CD6: variants seen among roughly 807,000 people sequenced by gnomAD.
CD6 encodes CD6 molecule, also known as T-cell differentiation antigen CD6.
Under a neutral mutation model 75.3 loss-of-function variants are expected in CD6, and 53 were observed. The observed-to-expected ratio is 0.70, with a 90% CI of 0.56 to 0.88. CD6 has a LOEUF of 0.88. CD6 is among the 40% of genes least tolerant of loss of function. The probability of loss-of-function intolerance (pLI) is 0.00; values close to 1 mark genes in which losing one functional copy is unlikely to be tolerated. For synonymous variants in CD6, 359 were observed against 381.5 expected (o/e 0.94, Z 0.69); for missense variants, 770 against 897.1 (o/e 0.86, Z 1.81).
intron 3 of CD6, 190 bp from the exon 4 acceptor site, chr11:61,008,344 C>T: frequency 3.4e-6 from 2 of 595,016 alleles, no homozygotes; most frequent in Non-Finnish European, 2.9e-6. Context: ...GTCTCTGGTC[C>T]CTCCCACCAG....
chr11:61,019,208 G>T (rs1363798345), intron 12 of CD6, 46 bp from the exon 13 acceptor site: 1 of 1,473,402 alleles, frequency 6.8e-7, no homozygotes, highest in African/African-American at 1.4e-5. Context: ...TGGGGCAGCA[G>T]GGCAATGACT....
intron 1 of CD6, among the ~76,000 whole-genome samples, chr11:60,985,638 G>A (rs1271240141): frequency 1.3e-5 from 2 of 152,122 alleles, no homozygotes; most frequent in East Asian, 3.9e-4. Flanking sequence ...TGCCGTCCAA[G>A]CATGAGCTGT....
Position 61,019,340 on chromosome 11 carries a change from T to C in CD6, c.*22T>C, listed in dbSNP as rs752657636. ...CTAGGCCGGGGCCAGCCGAGGCTCC[T>C]GGGGTGGCTCTGACCCTCTGGCCTC... is the stretch of plus-strand genomic sequence containing the variant. On this transcript the variant is annotated 3_prime_UTR_variant, in exon 13 of 13. Coordinates refer to ENST00000313421, the MANE Select transcript of CD6 (RefSeq NM_006725.5). 1.3e-6 allele frequency: 2 copies of C among 1,598,438 alleles called. No individual in the cohort carries two copies. The highest frequency in any genetic ancestry group is 1.1e-5 in the South Asian group (1 of 90,750).
intron 1 of CD6, among the ~76,000 whole-genome samples, chr11:60,977,478 T>C (rs549397497): frequency 6.6e-5 from 10 of 152,312 alleles, no homozygotes; most frequent in Admixed American, 2.6e-4. Context: ...AGGCCCTCCA[T>C]CCTGTCCTCG....
chr11:61,007,660 C>G lies in CD6; in HGVS notation c.219C>G (p.Leu73=), dbSNP rs986688315. 3 of 1,439,332 alleles carry G rather than the reference C, an allele frequency of 2.1e-6. No individual in the cohort carries two copies. The highest frequency in any genetic ancestry group is 6.0e-5 in the East Asian group (2 of 33,100). The allele number at this position is 1,439,332 out of a possible 1,614,324, so 89.2% of individuals were successfully genotyped here. ...CCTGGGAGCCCGCGTGCGGGGCGCT[C>G]TGGGACAGCCGCGCCGCCGAGGCCG... ...EASWEPACGA[L]WDSRAAEAVC... Residue 73 remains leucine, a synonymous_variant, in exon 3 of 13, where the codon CTC becomes CTG. Transcript: ENST00000313421. The surrounding 1 kb of genome is among the most constrained non-coding windows in gnomAD (Gnocchi z 4.2).
In CD6 at chr11:61,018,117, T is replaced by G. The variant is rs925037632; in HGVS notation, c.1837+104T>G. On this transcript the variant is annotated intron_variant, in intron 11 of 12. Transcript: ENST00000313421. ...GGCTGAGGTCAGGATTCTACCCAGT[T>G]CCGCAGCCATTCGCTGTGTGCCCTT... 4.9e-6 allele frequency: 7 copies of G among 1,441,264 alleles called. No individual in the cohort carries two copies. In the Admixed American group the frequency reaches 5.7e-5, roughly 12 times the overall value. 89.3% of individuals were successfully genotyped at this position (1,441,264 alleles called of 1,614,324 possible). A position where few individuals can be genotyped will look rare whatever the true frequency, so the allele number is the denominator to read the frequency against.
chr11:60,983,421 C>T (rs1041585424), intron 1 of CD6, among the ~76,000 whole-genome samples: 1 of 152,090 alleles, frequency 6.6e-6, no homozygotes, highest in Non-Finnish European at 1.5e-5. Context: ...TAATTTCAGG[C>T]TAATTTCAGA....
intron 1 of CD6, among the ~76,000 whole-genome samples, chr11:60,976,103 A>C (rs3019560): frequency 6.6e-6 from 1 of 152,192 alleles, no homozygotes; most frequent in Non-Finnish European, 1.5e-5. Context: ...GTCTGGGATT[A>C]TAGTGTACCC....
intron 1 of CD6, among the ~76,000 whole-genome samples, chr11:60,984,055 G>C (rs543865419): frequency 6.6e-6 from 1 of 152,028 alleles, no homozygotes; most frequent in Admixed American, 6.6e-5. Flanking sequence ...TCCCCTCTCC[G>C]GTGGTCTAAC....
At chr11:61,009,479 C>T (rs1859037076) in intron 4 of CD6, 93 bp from the exon 5 acceptor site, 2 of 1,141,332 alleles carry the variant, frequency 1.8e-6, no homozygotes, top group Non-Finnish European at 2.4e-6. Context: ...GACCAAATGG[C>T]TGCATTGGTG....
intron 6 of CD6, among the ~76,000 whole-genome samples, chr11:61,012,322 C>A (rs907655288): frequency 7.2e-5 from 11 of 152,212 alleles, no homozygotes; most frequent in Admixed American, 3.9e-4. Context: ...GGACCACACC[C>A]CGGCCCTTGG....
intron 1 of CD6, among the ~76,000 whole-genome samples, chr11:60,996,143 G>A (rs1301839775): frequency 6.6e-6 from 1 of 152,138 alleles, no homozygotes; most frequent in Admixed American, 6.5e-5. Flanking sequence ...ATACTAAACC[G>A]CTCTGTGCCT....
chr11:61,008,193 G>A (rs1402628781), intron 3 of CD6, among the ~76,000 whole-genome samples: 1 of 151,998 alleles, frequency 6.6e-6, no homozygotes, highest in Non-Finnish European at 1.5e-5. Flanking sequence ...CCCACTTACT[G>A]GGCCCGCCGC....
At chr11:61,005,219 TAGAATCTAA>T (rs2135147507) in intron 1 of CD6, among the ~76,000 whole-genome samples, 1 of 152,298 alleles carries the variant, frequency 6.6e-6, no homozygotes, top group East Asian at 1.9e-4. Flanking sequence ...ATGCAGTAAG[TAGAATCTAA>T]GAGCAACTTC....
intron 1 of CD6, among the ~76,000 whole-genome samples, chr11:61,001,994 C>T (rs907086387): frequency 7.2e-5 from 11 of 152,206 alleles, no homozygotes; most frequent in Non-Finnish European, 1.3e-4. Context: ...TTCTCCCACA[C>T]TTATCTTCAT....
At chr11:60,990,989 G>A (rs143639291) in intron 1 of CD6, among the ~76,000 whole-genome samples, 4 of 151,880 alleles carry the variant, frequency 2.6e-5, no homozygotes, top group East Asian at 1.9e-4. Context: ...AAACAGTTCC[G>A]CAGAAAGTAT....
At chr11:61,000,334 C>T (rs1858525330) in intron 1 of CD6, among the ~76,000 whole-genome samples, 1 of 151,634 alleles carries the variant, frequency 6.6e-6, no homozygotes, top group African/African-American at 2.4e-5. Context: ...TTTAACTATA[C>T]TTCTAGCAGG....
In CD6 at chr11:61,008,763, C is replaced by G; in HGVS notation, c.699C>G (p.Ala233=). The G allele has an allele frequency of 6.2e-7, 1 of 1,602,762 alleles. No homozygotes were observed. The highest frequency in any genetic ancestry group is 8.5e-7 in the Non-Finnish European group (1 of 1,172,878). The change falls in exon 4 of 13, where the codon GCC becomes GCG. Residue 233 remains alanine (A), a synonymous_variant. Transcript: ENST00000313421. ...IHRDQVNCSG[A]EAYLWDCPGL... ...GGGACCAGGTGAACTGCTCGGGGGC[C>G]GAAGCTTACCTGTGGGACTGCCCGG...
intron 1 of CD6, among the ~76,000 whole-genome samples, chr11:60,991,691 A>G (rs1439554618): frequency 2.0e-5 from 3 of 151,362 alleles, no homozygotes; most frequent in Admixed American, 2.0e-4. Flanking sequence ...TTCATTTTAG[A>G]GGTGGAATCT....
Sources: gnomAD v4.1 joint callset for allele counts (sites outside exome capture counted in the v4.1 genomes callset) on GRCh38, gnomAD v4.1.1 for gene constraint, Gnocchi (gnomAD v3.1) non-coding constraint, MANE v1.5 for transcripts, NCBI Gene and HGNC (gene_info 2026-07-23, HGNC 2026-07-21) for gene names.